The following PRKAG2 variants were observed in gnomAD, a reference collection of about 807,000 sequenced individuals.
PRKAG2 encodes the protein 5'-AMP-activated protein kinase subunit gamma-2.
A neutral mutation model predicts 69.6 loss-of-function variants in PRKAG2; 26 were observed. The observed-to-expected ratio is 0.37, with a 90% CI of 0.27 to 0.52. The LOEUF (loss-of-function observed/expected upper bound fraction) is 0.52, where lower values mean the gene tolerates loss of function less well. Among genes scored for constraint, PRKAG2 ranks in the 20% least tolerant of loss-of-function variants. The pLI is 0.90. For synonymous variants in PRKAG2, 293 were observed against 285.0 expected, an observed-to-expected ratio of 1.03 and a Z score of -0.28; for missense variants, 557 against 740.0, an observed-to-expected ratio of 0.75 and a Z score of 2.87.
chr7:151,809,118 G>A, intron 1 of PRKAG2: 1 of 412,890 alleles, frequency 2.4e-6, no homozygotes, highest in East Asian at 7.2e-5. Context: ...GCAGATGCCT[G>A]CAGCTGGCTC....
At chr7:151,784,816 G>C (rs1391258392) in intron 2 of PRKAG2, among the ~76,000 whole-genome samples, 2 of 152,184 alleles carry the variant, frequency 1.3e-5, no homozygotes, top group African/African-American at 4.8e-5. Flanking sequence ...GGGAGCCCTA[G>C]GAAGCAGCCC....
At chr7:151,868,082 G>A (rs2080123627) in intron 1 of PRKAG2, among the ~76,000 whole-genome samples, 2 of 152,220 alleles carry the variant, frequency 1.3e-5, no homozygotes, top group African/African-American at 4.8e-5. Flanking sequence ...TGCCAGGTCA[G>A]AGTATATCAA....
At chr7:151,656,572 C>T (rs1000491036) in intron 4 of PRKAG2, among the ~76,000 whole-genome samples, 4 of 152,124 alleles carry the variant, frequency 2.6e-5, no homozygotes, top group African/African-American at 9.7e-5. Context: ...ATAACAACAA[C>T]AAACCCCAGG....
rs1411208060 is a variant in PRKAG2 at position 151,614,422 on chromosome 7, C to T, written c.754+17647G>A. Reference sequence around the variant, plus strand: ...GAGGTGACCAGAAGCCACACAGGGGCTCACACAGGAGGCTGAAAAAATCAG... The same window carrying T: ...GAGGTGACCAGAAGCCACACAGGGGTTCACACAGGAGGCTGAAAAAATCAG... On this transcript the variant is annotated intron_variant, in intron 5 of 15. Transcript: ENST00000287878. This position sits in a 1 kb window ranked among gnomAD's most constrained non-coding sequence, Gnocchi z 4.4. Among the ~76,000 whole-genome samples, 3 of 152,110 alleles carry T rather than the reference C, an allele frequency of 2.0e-5. No individual in the cohort carries two copies. Among genetic ancestry groups the T allele is most frequent in the Non-Finnish European group, 2.9e-5 (2 of 68,002 alleles).
rs28477917 is a variant in PRKAG2 at position 151,739,767 on chromosome 7, G to A, written c.466+41385C>T. Among the ~76,000 whole-genome samples, 287 of 152,188 alleles carry A rather than the reference G, an allele frequency of 1.9e-3. 2 individuals are homozygous for A. The highest frequency in any genetic ancestry group is 6.3e-3 in the African/African-American group (261 of 41,526). On this transcript the variant is annotated intron_variant, in intron 3 of 15. Transcript: ENST00000287878. ...ATTACAGGTGTGAGCCACCACACCC[G>A]GCTGGAATTTTCTAACCTACCTGCT...
intron 1 of PRKAG2, among the ~76,000 whole-genome samples, chr7:151,846,781 T>A (rs1267893230): frequency 6.6e-6 from 1 of 152,270 alleles, no homozygotes; most frequent in Non-Finnish European, 1.5e-5. Flanking sequence ...TAGGGCTTCA[T>A]AAATGCCATG....
chr7:151,808,228 C>T (rs1338826012), intron 1 of PRKAG2, among the ~76,000 whole-genome samples: 1 of 152,170 alleles, frequency 6.6e-6, no homozygotes, highest in East Asian at 1.9e-4. Context: ...TCTAGTTTGT[C>T]GACAGTATTC....
chr7:151,561,666 C>T (rs1365526019), intron 14 of PRKAG2, among the ~76,000 whole-genome samples: 1 of 152,250 alleles, frequency 6.6e-6, no homozygotes, highest in Non-Finnish European at 1.5e-5. Flanking sequence ...GGCGCGATGG[C>T]TCACGCCTGT....
chr7:151,625,496 G>C (rs1017970122), intron 5 of PRKAG2, among the ~76,000 whole-genome samples: 3 of 152,192 alleles, frequency 2.0e-5, no homozygotes, highest in African/African-American at 7.2e-5. Context: ...AAATGAAAGC[G>C]ATGGGATTAG....
chr7:151,653,516 C>T (rs533041087), intron 4 of PRKAG2, among the ~76,000 whole-genome samples: 1 of 152,058 alleles, frequency 6.6e-6, no homozygotes, highest in African/African-American at 2.4e-5. Context: ...GAGAAGCAAA[C>T]AGGAATGGGT....
At chr7:151,684,417 G>A (rs911251374) in intron 3 of PRKAG2, among the ~76,000 whole-genome samples, 2 of 152,168 alleles carry the variant, frequency 1.3e-5, no homozygotes, top group African/African-American at 2.4e-5. Context: ...GTCACCACTC[G>A]CCAGCTATGT....
intron 3 of PRKAG2, among the ~76,000 whole-genome samples, chr7:151,726,241 G>A (rs976135561): frequency 2.0e-5 from 3 of 152,102 alleles, no homozygotes; most frequent in Non-Finnish European, 2.9e-5. Flanking sequence ...CAACTACCAG[G>A]TGAGGCAAAG....
At chr7:151,770,140 A>G (rs2075949714) in intron 3 of PRKAG2, among the ~76,000 whole-genome samples, 1 of 152,176 alleles carries the variant, frequency 6.6e-6, no homozygotes, top group Admixed American at 6.5e-5. Flanking sequence ...CCTGAGATCA[A>G]CCAGCTGTCT....
intron 1 of PRKAG2, among the ~76,000 whole-genome samples, chr7:151,857,161 T>C (rs896451126): frequency 7.1e-6 from 1 of 140,736 alleles, no homozygotes; most frequent in African/African-American, 2.6e-5. Context: ...ACAGGGAGTA[T>C]AAGGGATGGG....
rs1406655771 is a variant in PRKAG2 at position 151,874,081 on chromosome 7, ATATG to A, written c.114+2422_114+2425del. 4.8e-5 allele frequency among the ~76,000 whole-genome samples: 7 copies of A among 146,252 alleles called. 1 individual carries two copies. Among genetic ancestry groups the A allele is most frequent in the Non-Finnish European group, 1.0e-4 (7 of 67,136 alleles). ...ATGTATATGTATATGATGTATATGT[ATATG>A]TATATGATGTATATGTATATGATGT... On this transcript the variant is annotated intron_variant, in intron 1 of 15. Coordinates refer to ENST00000287878, the MANE Select transcript of PRKAG2 (RefSeq NM_016203.4).
intron 5 of PRKAG2, among the ~76,000 whole-genome samples, chr7:151,601,460 A>G (rs568186349): frequency 5.9e-5 from 9 of 152,174 alleles, no homozygotes; most frequent in Non-Finnish European, 1.0e-4. Context: ...TCTAGTGTGC[A>G]TTCCTCCCAA....
rs747026709 is a variant in PRKAG2, at chr7:151,807,526, G to T, written c.115-20985C>A. On this transcript the variant is annotated intron_variant, in intron 1 of 15. Coordinates refer to ENST00000287878, the MANE Select transcript of PRKAG2 (RefSeq NM_016203.4). This position sits in a 1 kb window ranked among gnomAD's most constrained non-coding sequence, Gnocchi z 4.4. The stretch of plus-strand genomic sequence containing the variant: ...ACACTGCCCCTTCTTCCCAACCTAC[G>T]AGCTGAAATGGCCAGCACTGCGCCT... 1 of 457,800 alleles carries T rather than the reference G, an allele frequency of 2.2e-6. No homozygotes were observed. Among genetic ancestry groups the T allele is most frequent in the Admixed American group, 2.3e-5 (1 of 42,580 alleles). The allele number at this position is 457,800 out of a possible 1,614,324, so 28.4% of individuals were successfully genotyped here.
intron 5 of PRKAG2, among the ~76,000 whole-genome samples, chr7:151,629,716 C>T (rs1344418611): frequency 1.3e-5 from 2 of 152,076 alleles, no homozygotes; most frequent in African/African-American, 4.8e-5. Flanking sequence ...TATGAGTAAT[C>T]ATGTGTTTCC....
At position 151,876,734 on chromosome 7, in the gene PRKAG2, A is replaced by C; in HGVS notation, c.-114T>G. 1 of 1,016,900 alleles carries C rather than the reference A, an allele frequency of 9.8e-7. No homozygotes were observed. The highest frequency in any genetic ancestry group is 1.5e-6 in the Non-Finnish European group (1 of 671,348). The allele number at this position is 1,016,900 out of a possible 1,614,324, so 63.0% of individuals were successfully genotyped here. On this transcript the variant is annotated 5_prime_UTR_variant, in exon 1 of 16. Coordinates refer to ENST00000287878, the MANE Select transcript of PRKAG2 (RefSeq NM_016203.4). ...GCGCGCTCTGTTACACCCTGAAGCC[A>C]CCTCGTGGGGACTTCCGCGGAGAGG...
Sources: allele counts gnomAD v4.1 joint callset (sites outside exome capture counted in the v4.1 genomes callset), GRCh38; gene constraint gnomAD v4.1.1; non-coding constraint Gnocchi (gnomAD v3.1); transcripts MANE v1.5; gene names NCBI Gene and HGNC (gene_info 2026-07-23, HGNC 2026-07-21).